Variants in SDK1 observed in about 807,000 individuals in gnomAD.
SDK1 encodes protein sidekick-1.
In SDK1, 157 loss-of-function variants were observed where a neutral mutation model predicts 245.5. The observed-to-expected ratio is 0.64, with a 90% CI of 0.56 to 0.73. The LOEUF is 0.73. Ranked by LOEUF, SDK1 falls within the 30% of genes least tolerant of loss-of-function variation. SDK1 has a pLI of 0.00. For synonymous variants in SDK1, 1,647 were observed against 1,278.5 expected, an observed-to-expected ratio of 1.29 and a Z score of -6.15; for missense variants, 3,583 against 3,002.3, an observed-to-expected ratio of 1.19 and a Z score of -4.52.
chr7:3,696,039 TCTC>T (rs1304823980), intron 4 of SDK1, among the ~76,000 whole-genome samples: 1 of 152,132 alleles, frequency 6.6e-6, no homozygotes, highest in Non-Finnish European at 1.5e-5. Flanking sequence ...CTCAGCCTCT[TCTC>T]CGCGTTCCGG....
intron 5 of SDK1, among the ~76,000 whole-genome samples, chr7:3,890,659 G>A (rs1176541256): frequency 2.0e-5 from 3 of 151,056 alleles, no homozygotes; most frequent in Admixed American, 6.6e-5. Context: ...AAAAAAAAAA[G>A]TAGCGGGTGT....
chr7:3,636,202 C>T (rs990300238), intron 2 of SDK1, among the ~76,000 whole-genome samples: 4 of 152,166 alleles, frequency 2.6e-5, no homozygotes, highest in African/African-American at 9.7e-5. Flanking sequence ...CTGCCCTCTT[C>T]ATTATTATTT....
chr7:3,606,001 T>C (rs1479992058), intron 1 of SDK1, among the ~76,000 whole-genome samples: 2 of 152,200 alleles, frequency 1.3e-5, no homozygotes, highest in African/African-American at 4.8e-5. Flanking sequence ...AAGGTGTTAA[T>C]TTTGCATTTT....
chr7:3,352,661 G>A (rs1417802822), intron 1 of SDK1, among the ~76,000 whole-genome samples: 1 of 152,116 alleles, frequency 6.6e-6, no homozygotes, highest in Admixed American at 6.5e-5. Context: ...CAGATACACT[G>A]TTTGGGGTTT....
intron 4 of SDK1, among the ~76,000 whole-genome samples, chr7:3,683,267 C>G (rs907142581): frequency 1.3e-5 from 2 of 152,110 alleles, no homozygotes; most frequent in Non-Finnish European, 2.9e-5. Flanking sequence ...TAACAGGACC[C>G]AGCACATACT....
intron 4 of SDK1, among the ~76,000 whole-genome samples, chr7:3,700,271 A>C (rs1784703942): frequency 6.6e-6 from 1 of 152,226 alleles, no homozygotes; most frequent in East Asian, 1.9e-4. Flanking sequence ...TCAAGAAAGA[A>C]AAAAGAACAG....
intron 4 of SDK1, among the ~76,000 whole-genome samples, chr7:3,666,473 C>T (rs1470139096): frequency 6.6e-6 from 1 of 152,184 alleles, no homozygotes; most frequent in African/African-American, 2.4e-5. Context: ...CAGGCTCCTG[C>T]CCTCACCCTG....
rs749991713 is a variant in SDK1 at position 4,065,694 on chromosome 7, G to GTTTTTTTTTTTTTTTT, written c.2912-2124_2912-2109dup. 7.5e-5 allele frequency among the ~76,000 whole-genome samples: 5 copies of GTTTTTTTTTTTTTTTT among 66,758 alleles called. 1 individual carries two copies. The highest frequency in any genetic ancestry group is 1.4e-4 in the African/African-American group (4 of 29,258). The allele number at this position is 66,758 out of a possible 152,430, so 43.8% of individuals were successfully genotyped here. A position where few individuals can be genotyped will look rare whatever the true frequency, so the allele number is the denominator to read the frequency against. ...AGTTTCACCCAGATGAGTGGTTGTT[G>GTTTTTTTTTTTTTTTT]TTTTTTTTTTTTTTTTTTTTTTTTT... On this transcript the variant is annotated intron_variant, in intron 19 of 44. Coordinates refer to ENST00000404826, the MANE Select transcript of SDK1 (RefSeq NM_152744.4).
At chr7:3,902,779 C>T (rs1781833387) in intron 5 of SDK1, among the ~76,000 whole-genome samples, 1 of 152,142 alleles carries the variant, frequency 6.6e-6, no homozygotes, top group African/African-American at 2.4e-5. Context: ...TTTCAAAGTT[C>T]CTGGTATATC....
chr7:3,783,949 C>G (rs1398414355), intron 4 of SDK1, among the ~76,000 whole-genome samples: 2 of 151,198 alleles, frequency 1.3e-5, no homozygotes, highest in Non-Finnish European at 2.9e-5. Flanking sequence ...TGGTTTCAAA[C>G]TATACTACAG....
At chr7:3,959,041 G>C in intron 8 of SDK1, 27 bp downstream of exon 8, 1 of 1,564,916 alleles carries the variant, frequency 6.4e-7, no homozygotes, top group South Asian at 1.1e-5. Context: ...TGCTGGACAA[G>C]GAGCCATGAC....
At chr7:4,015,077 A>G (rs1786290251) in intron 16 of SDK1, among the ~76,000 whole-genome samples, 1 of 152,026 alleles carries the variant, frequency 6.6e-6, no homozygotes. Flanking sequence ...AAATGTATAT[A>G]TATTTAGGGA....
chr7:4,140,003 C>A (rs1249570378), intron 28 of SDK1, among the ~76,000 whole-genome samples: 1 of 152,124 alleles, frequency 6.6e-6, no homozygotes, highest in Non-Finnish European at 1.5e-5. Context: ...CACCTCTGGG[C>A]CAGCTCTGCA....
intron 2 of SDK1, among the ~76,000 whole-genome samples, chr7:3,638,795 T>TC (rs1224064876): frequency 9.5e-5 from 14 of 147,378 alleles, no homozygotes; most frequent in African/African-American, 1.5e-4. Flanking sequence ...AATAATAAAA[T>TC]TTAAAAAAAA....
chr7:3,965,552 G>A (rs1173391999), intron 9 of SDK1, among the ~76,000 whole-genome samples: 1 of 152,110 alleles, frequency 6.6e-6, no homozygotes, highest in Non-Finnish European at 1.5e-5. Flanking sequence ...TTAAAAAATC[G>A]ATATTGATTT....
intron 7 of SDK1, among the ~76,000 whole-genome samples, chr7:3,956,114 G>C (rs964781410): frequency 2.6e-5 from 4 of 152,208 alleles, no homozygotes; most frequent in African/African-American, 9.6e-5. Flanking sequence ...CTGCAGTCAG[G>C]ATCAATTTTC....
intron 19 of SDK1, among the ~76,000 whole-genome samples, chr7:4,060,835 G>A (rs1440682250): frequency 6.6e-6 from 1 of 152,184 alleles, no homozygotes; most frequent in East Asian, 1.9e-4. Flanking sequence ...GTAAGGAGGG[G>A]ATCCAGTTTC....
At chr7:3,881,097 A>G (rs1051483006) in intron 5 of SDK1, among the ~76,000 whole-genome samples, 1 of 151,590 alleles carries the variant, frequency 6.6e-6, no homozygotes, top group Non-Finnish European at 1.5e-5. Context: ...TTTTTCATTT[A>G]TTTTCTTCAG....
At chr7:3,835,378 T>C (rs13236719) in intron 5 of SDK1, among the ~76,000 whole-genome samples, 32,369 of 152,158 alleles carry the variant, frequency 0.21, 3,613 homozygotes, top group Middle Eastern at 0.35. Context: ...TTAATCATGC[T>C]GCTTCTGGAT....
Sources: allele counts gnomAD v4.1 joint callset (sites outside exome capture counted in the v4.1 genomes callset), GRCh38; gene constraint gnomAD v4.1.1; transcripts MANE v1.5; gene names NCBI Gene and HGNC (gene_info 2026-07-23, HGNC 2026-07-21).